BCCIP: variants seen among roughly 807,000 people sequenced by gnomAD.
BCCIP encodes the protein BRCA2 and CDKN1A interacting protein, also known as BRCA2 and CDKN1A-interacting protein.
In BCCIP, 23 loss-of-function variants were observed where a neutral mutation model predicts 32.8. The ratio of observed to expected loss-of-function variants is 0.70; its 90% CI spans 0.51 to 0.99. The LOEUF is 0.99. Ranked by LOEUF, BCCIP falls within the 50% of genes least tolerant of loss-of-function variation. The pLI is 0.00. For synonymous variants in BCCIP, 144 were observed against 137.6 expected, an observed-to-expected ratio of 1.05 and a Z score of -0.33; for missense variants, 378 against 379.8, an observed-to-expected ratio of 1.00 and a Z score of 0.04.
chr10:125,839,231 A>C, downstream of BCCIP: 1 of 1,596,580 alleles, frequency 6.3e-7, no homozygotes, highest in Non-Finnish European at 8.6e-7. Context: ...ATGATTTGTC[A>C]GAAGCTCTGA....
downstream of BCCIP, among the ~76,000 whole-genome samples, chr10:125,843,971 C>T (rs1278825918): frequency 6.6e-6 from 1 of 152,176 alleles, no homozygotes; most frequent in African/African-American, 2.4e-5. Context: ...GTTTTCCCAT[C>T]AAGATTTAAA....
intron 4 of BCCIP, 140 bp downstream of exon 4, chr10:125,830,791 T>TC: frequency 1.6e-6 from 1 of 617,430 alleles, no homozygotes; most frequent in Non-Finnish European, 2.8e-6. Context: ...CTTATTGTAA[T>TC]CCTTTTTCAA....
chr10:125,823,584 C>T lies in BCCIP; in HGVS notation c.27C>T (p.Ala9=), dbSNP rs200404406. 182 of 1,613,906 alleles carry T rather than the reference C, an allele frequency of 1.1e-4. 1 individual carries two copies. The East Asian group carries it at 3.8e-3, about 34-fold the overall frequency. ...TGGCGTCCAGGTCTAAGCGGCGTGC[C>T]GTGGAAAGTGGGGTTCCGCAGCCGC... MASRSKRR[A]VESGVPQPPD... The change falls in exon 1 of 7, where the codon GCC becomes GCT. Residue 9 remains alanine (A), a synonymous_variant. Transcript: ENST00000278100.
chr10:125,840,844 T>C, downstream of BCCIP: 1 of 1,583,380 alleles, frequency 6.3e-7, no homozygotes, highest in South Asian at 1.1e-5. Flanking sequence ...AGCATTCACT[T>C]ACACTCACTG....
chr10:125,830,325 C>T (rs754621017), intron 3 of BCCIP, among the ~76,000 whole-genome samples: 17 of 152,064 alleles, frequency 1.1e-4, no homozygotes, highest in Non-Finnish European at 2.1e-4. Flanking sequence ...GGAACAGAGT[C>T]GAGGTAAAGC....
chr10:125,832,760 T>C (rs1179217016), intron 5 of BCCIP, among the ~76,000 whole-genome samples: 2 of 151,608 alleles, frequency 1.3e-5, no homozygotes, highest in Non-Finnish European at 2.9e-5. Flanking sequence ...TGCCTGTGAA[T>C]AGCCACTGCA....
chr10:125,848,660 C>G (rs879280399), intron 7 of BCCIP, among the ~76,000 whole-genome samples: 8 of 152,144 alleles, frequency 5.3e-5, no homozygotes, highest in Non-Finnish European at 8.8e-5. Context: ...GGTGATGTCT[C>G]CTAATAACTG....
At position 125,836,106 on chromosome 10, in the gene BCCIP, G is replaced by A; in HGVS notation, c.777G>A (p.Lys259=). The change falls in exon 7 of 7, where the codon AAG becomes AAA. Residue 259 remains lysine (K), a splice_region_variant and synonymous_variant. Coordinates refer to ENST00000278100, the MANE Select transcript of BCCIP (RefSeq NM_078468.3). Reference sequence around the variant, plus strand: ...TCATGGTTACTTATTTGGTTTAGAAGGCAATTCTCAAGTTCAACTACTCAG... The same window carrying A: ...TCATGGTTACTTATTTGGTTTAGAAAGCAATTCTCAAGTTCAACTACTCAG... The part of the protein sequence containing the change: ...ANAEEEFFYE[K]AILKFNYSVQ... 6.2e-7 allele frequency: 1 copy of A among 1,609,944 alleles called. No individual in the cohort carries two copies. The highest frequency in any genetic ancestry group is 1.1e-5 in the South Asian group (1 of 90,800).
downstream of BCCIP, chr10:125,836,888 A>T: frequency 6.2e-7 from 1 of 1,602,110 alleles, no homozygotes; most frequent in Non-Finnish European, 8.5e-7. Flanking sequence ...TGAGATTATG[A>T]GTGGGGAAGG....
At chr10:125,833,465 C>G (rs1218881385) in intron 5 of BCCIP, among the ~76,000 whole-genome samples, 2 of 152,210 alleles carry the variant, frequency 1.3e-5, no homozygotes, top group Non-Finnish European at 2.9e-5. Flanking sequence ...ATATTTTTAA[C>G]TTATGCACAG....
chr10:125,827,438 C>A, intron 2 of BCCIP, 120 bp from the exon 3 acceptor site: 3 of 638,728 alleles, frequency 4.7e-6, no homozygotes, highest in Middle Eastern at 4.5e-4. Flanking sequence ...CTTGGGGTTG[C>A]TTTTCTAGAT....
chr10:125,845,017 C>T (rs564296286), downstream of BCCIP, among the ~76,000 whole-genome samples: 1 of 152,184 alleles, frequency 6.6e-6, no homozygotes, highest in Non-Finnish European at 1.5e-5. Flanking sequence ...TATGTGCCTG[C>T]ATTTTCCTTC....
rs1854584268 is a variant in BCCIP at position 125,833,860 on chromosome 10, G to A, written c.688G>A (p.Gly230Arg). The change falls in exon 6 of 7, where the codon GGA (glycine) becomes AGA (arginine). Residue 230 changes from glycine to arginine, a missense_variant. Coordinates refer to ENST00000278100, the MANE Select transcript of BCCIP (RefSeq NM_078468.3). ...LLISKTFVEAGKNNSKKKPSN... is the reference protein window; with the variant it reads ...LLISKTFVEARKNNSKKKPSN... ...GATTAGTAAGACATTTGTGGAAGCA[G>A]GAAAAAACAATTCCAAAAAGAAACC... 2 of 1,614,104 alleles carry A rather than the reference G, an allele frequency of 1.2e-6. No individual in the cohort carries two copies. The highest frequency in any genetic ancestry group is 1.7e-6 in the Non-Finnish European group (2 of 1,180,024).
intron 4 of BCCIP, 78 bp from the exon 5 acceptor site, chr10:125,831,342 G>A: frequency 7.0e-7 from 1 of 1,419,634 alleles, no homozygotes; most frequent in Non-Finnish European, 9.7e-7. Context: ...AAGATGAAAA[G>A]TGATAGCTTT....
chr10:125,846,443 C>T (rs1410048277), downstream of BCCIP, among the ~76,000 whole-genome samples: 1 of 152,154 alleles, frequency 6.6e-6, no homozygotes, highest in African/African-American at 2.4e-5. Flanking sequence ...TTCATGATTT[C>T]CTCATAAGGG....
At chr10:125,853,240 A>C in exon 8 of BCCIP, 1 of 1,599,446 alleles carries the variant, frequency 6.3e-7, no homozygotes, top group Non-Finnish European at 8.5e-7. Flanking sequence ...TTGCTCTGTC[A>C]TAATAAGTCA....
chr10:125,847,927 C>T (rs536166204), intron 7 of BCCIP, among the ~76,000 whole-genome samples: 5 of 152,162 alleles, frequency 3.3e-5, no homozygotes, highest in East Asian at 3.8e-4. Context: ...CAGTAATGCT[C>T]GCTTGCCCCC....
At chr10:125,834,832 A>AC (rs1291668887) in intron 6 of BCCIP, among the ~76,000 whole-genome samples, 3 of 149,624 alleles carry the variant, frequency 2.0e-5, no homozygotes, top group South Asian at 2.1e-4. Context: ...AAACAAACAA[A>AC]AAACACAAAA....
chr10:125,830,921 C>G (rs975539718), intron 4 of BCCIP, among the ~76,000 whole-genome samples: 1 of 152,192 alleles, frequency 6.6e-6, no homozygotes, highest in African/African-American at 2.4e-5. Flanking sequence ...TTTGTGCTGT[C>G]TCTCTGCAGC....
Sources: allele counts gnomAD v4.1 joint callset (sites outside exome capture counted in the v4.1 genomes callset), GRCh38; gene constraint gnomAD v4.1.1; transcripts MANE v1.5; gene names NCBI Gene and HGNC (gene_info 2026-07-23, HGNC 2026-07-21).